The following TMPRSS6 variants were observed in gnomAD, a reference collection of about 807,000 sequenced individuals.
TMPRSS6 encodes the protein transmembrane serine protease 6.
TMPRSS6 carries 67 observed loss-of-function variants against 101.5 expected under a neutral mutation model. That is an observed-to-expected ratio of 0.66 (90% CI 0.54 to 0.81). The LOEUF (loss-of-function observed/expected upper bound fraction) is 0.81, where lower values mean the gene tolerates loss of function less well. Ranked by LOEUF, TMPRSS6 falls within the 30% of genes least tolerant of loss-of-function variation. TMPRSS6 has a pLI of 0.00. For missense variants in TMPRSS6, 1,034 were observed against 1,088.7 expected (o/e 0.95, Z 0.71); for synonymous variants, 453 against 464.9 (o/e 0.97, Z 0.33).
chr22:37,068,372 A>T (rs1926533694), intron 16 of TMPRSS6, among the ~76,000 whole-genome samples: 1 of 152,270 alleles, frequency 6.6e-6, no homozygotes, highest in Admixed American at 6.5e-5. Flanking sequence ...CTGCTTCCAG[A>T]TTGTAAGTCA....
rs368625259 is a variant in TMPRSS6 at position 37,084,419 on chromosome 22, C to T, written c.1087-15G>A. The T allele has an allele frequency of 8.0e-5, 128 of 1,599,880 alleles. No individual in the cohort carries two copies. In the African/African-American group the frequency reaches 8.6e-4, roughly 11 times the overall value. ...AGAGAGGGCACCTGGGAGGGAGGAG[C>T]GGGCCATCAGGTGGCCCATGGGGTG... On this transcript the variant is annotated splice_polypyrimidine_tract_variant and intron_variant, in intron 9 of 17. Coordinates refer to ENST00000676104, the MANE Select transcript of TMPRSS6 (RefSeq NM_001374504.1).
rs920444992 is a variant in TMPRSS6 at position 37,084,292 on chromosome 22, T to C, written c.1196+3A>G. On this transcript the variant is annotated splice_donor_region_variant and intron_variant, in intron 10 of 17. Transcript: ENST00000676104. ...AAGCCAGAGGGAGGAGAGGAAGTGG[T>C]ACCTCCTGTTCTGGATCGTCCACTG... 6.2e-7 allele frequency: 1 copy of C among 1,607,418 alleles called. No individual in the cohort carries two copies. Among genetic ancestry groups the C allele is most frequent in the African/African-American group, 1.3e-5 (1 of 74,732 alleles).
chr22:37,104,035 G>A (rs974381327), intron 1 of TMPRSS6, among the ~76,000 whole-genome samples: 12 of 152,134 alleles, frequency 7.9e-5, no homozygotes, highest in African/African-American at 2.7e-4. Context: ...TTCATTTCGT[G>A]CCCTCATGAG....
intron 10 of TMPRSS6, among the ~76,000 whole-genome samples, chr22:37,076,232 G>T (rs529333030): frequency 3.9e-5 from 6 of 152,308 alleles, no homozygotes; most frequent in African/African-American, 1.2e-4. Flanking sequence ...GGACGAGGGG[G>T]CAGCAGTGCT....
chr22:37,089,086 G>A (rs546967815), intron 7 of TMPRSS6, among the ~76,000 whole-genome samples: 9 of 152,130 alleles, frequency 5.9e-5, no homozygotes, highest in Non-Finnish European at 1.0e-4. Context: ...ACTCAAAATA[G>A]ATACTGCACA....
intron 2 of TMPRSS6, among the ~76,000 whole-genome samples, chr22:37,099,998 G>A (rs1043203033): frequency 1.3e-5 from 2 of 151,584 alleles, no homozygotes; most frequent in South Asian, 2.1e-4. Context: ...ACAGAGTTTC[G>A]CTCTTGTTGC....
At chr22:37,073,796 C>T (rs1038461221) in intron 12 of TMPRSS6, 151 bp from the exon 13 acceptor site, 6 of 694,238 alleles carry the variant, frequency 8.6e-6, no homozygotes, top group African/African-American at 1.7e-5. Flanking sequence ...GCTCTTGTCA[C>T]GAAGGCTGGA....
At chr22:37,089,552 TCCTG>T in intron 7 of TMPRSS6, 22 bp downstream of exon 7, 1 of 938,126 alleles carries the variant, frequency 1.1e-6, no homozygotes, top group Non-Finnish European at 1.6e-6. Context: ...CAGCCCTCCC[TCCTG>T]CCCTCCTTCC....
intron 11 of TMPRSS6, 135 bp downstream of exon 11, chr22:37,075,000 T>TACAC (rs111225958): frequency 2.0e-5 from 28 of 1,412,340 alleles, no homozygotes; most frequent in Non-Finnish European, 2.3e-5. Context: ...TGCAAGCACA[T>TACAC]ACACACACAC....
Position 37,103,239 on chromosome 22 carries a change from C to G in TMPRSS6, c.179G>C (p.Gly60Ala), listed in dbSNP as rs760733591. The change falls in exon 2 of 18, where the codon GGG becomes GCG. Residue 60 changes from glycine (G) to alanine (A), a missense_variant. Physicochemically the swap from Gly to Ala is moderately conservative, Grantham distance 60 (BLOSUM62 0). Transcript: ENST00000676104. This position sits in a 1 kb window ranked among gnomAD's most constrained non-coding sequence, Gnocchi z 4.4. ...ACCTAGGAAATACCAGAGTAGCACCCCCGCCGAAGCCAGCACGAGCAGGGC... is the reference window on the plus strand; with the variant it reads ...ACCTAGGAAATACCAGAGTAGCACCGCCGCCGAAGCCAGCACGAGCAGGGC... ...LLALLVLASAGVLLWYFLGYK... is the reference protein window; with the variant it reads ...LLALLVLASAAVLLWYFLGYK... 11 of 1,613,946 alleles carry G rather than the reference C, an allele frequency of 6.8e-6. No homozygotes were observed. Among genetic ancestry groups the G allele is most frequent in the Non-Finnish European group, 9.3e-6 (11 of 1,179,930 alleles).
At position 37,066,842 on chromosome 22, in the gene TMPRSS6, T is replaced by C. The variant is rs1363484692; in HGVS notation, c.2234A>G (p.Lys745Arg). The C allele has an allele frequency of 6.2e-7, 1 of 1,614,074 alleles. No homozygotes were observed. The highest frequency in any genetic ancestry group is 2.2e-5 in the East Asian group (1 of 44,902). Residue 745 changes from lysine (K) to arginine (R), a missense_variant, in exon 17 of 18, where the codon AAG becomes AGG. Lys to Arg is a conservative substitution (Grantham distance 26). Coordinates refer to ENST00000676104, the MANE Select transcript of TMPRSS6 (RefSeq NM_001374504.1). The stretch of plus-strand genomic sequence containing the variant: ...GGGACTCACCTGACAGGCATCCTTC[T>C]TGCCCTTGCGGTAGCCGGCACACAG... Reference protein sequence around the residue: ...RMLCAGYRKGKKDACQGDSGG... With the variant: ...RMLCAGYRKGRKDACQGDSGG...
intron 11 of TMPRSS6, 28 bp from the exon 12 acceptor site, chr22:37,074,736 C>T: frequency 6.2e-7 from 1 of 1,609,048 alleles, no homozygotes. Context: ...ACCGTGGAGG[C>T]AGGCAGGGCG....
chr22:37,075,079 G>A (rs1261231497), intron 11 of TMPRSS6, 56 bp downstream of exon 11: 20 of 1,613,180 alleles, frequency 1.2e-5, no homozygotes, highest in Admixed American at 1.7e-5. Flanking sequence ...TGGTTCCAGG[G>A]ATGGCCAAGA....
At position 37,086,368 on chromosome 22, in the gene TMPRSS6, C is replaced by T. The variant is rs754194559; in HGVS notation, c.888G>A (p.Gly296=). 2 of 1,611,554 alleles carry T rather than the reference C, an allele frequency of 1.2e-6. No homozygotes were observed. The highest frequency in any genetic ancestry group is 1.7e-5 in the Admixed American group (1 of 59,686). Residue 296 remains glycine, a synonymous_variant, in exon 8 of 18, where the codon GGG becomes GGA. Transcript: ENST00000676104. ...QEPVVEVLAS[G]AIMAVVWKKG... The stretch of plus-strand genomic sequence containing the variant: ...TCTTCCAGACGACCGCCATGATGGC[C>T]CCCGACGCCAGAACCTCCACCACGG...
intron 10 of TMPRSS6, among the ~76,000 whole-genome samples, chr22:37,078,941 AGG>A (rs1927963852): frequency 1.7e-5 from 1 of 59,262 alleles, no homozygotes; most frequent in Non-Finnish European, 3.2e-5. Context: ...AAGAAGGAGA[AGG>A]AGAAGGAGAA....
In TMPRSS6 at chr22:37,086,606, A is replaced by G. The variant is rs112746489; in HGVS notation, c.837-187T>C. On this transcript the variant is annotated intron_variant, in intron 7 of 17. Coordinates refer to ENST00000676104, the MANE Select transcript of TMPRSS6 (RefSeq NM_001374504.1). ...CTGTGTCTCCCCAGCCCCAGAGGAC[A>G]GACTGAAGGCCCTCCAAGGACCAGG... Among the ~76,000 whole-genome samples the G allele has an allele frequency of 3.3e-3, 507 of 152,266 alleles. 5 individuals carry two copies. The highest frequency in any genetic ancestry group is 0.011 in the African/African-American group (472 of 41,554).
At chr22:37,094,497 G>T (rs1034206781) in intron 6 of TMPRSS6, among the ~76,000 whole-genome samples, 1 of 151,748 alleles carries the variant, frequency 6.6e-6, no homozygotes, top group Non-Finnish European at 1.5e-5. Context: ...TAGACAGCTA[G>T]CTAGTTAGAT....
In TMPRSS6 at chr22:37,069,211, C is replaced by T. The variant is rs1024184801; in HGVS notation, c.1975G>A (p.Asp659Asn). 16 of 1,607,330 alleles carry T rather than the reference C, an allele frequency of 1.0e-5. No individual in the cohort carries two copies. Among genetic ancestry groups the T allele is most frequent in the East Asian group, 2.2e-5 (1 of 44,536 alleles). ...TGGTCGAGCTGCAGCAGCGCCACGT[C>T]GTAGTCATGGCTGTCCTCTTCGTGG... ...PYHEEDSHDY[D>N]VALLQLDHPV... Residue 659 changes from aspartate (D) to asparagine (N), a missense_variant, in exon 16 of 18, where the codon GAC becomes AAC. By Grantham distance (23) the Asp-to-Asn change is conservative (BLOSUM62 1). Coordinates refer to ENST00000676104, the MANE Select transcript of TMPRSS6 (RefSeq NM_001374504.1). This position sits in a 1 kb window ranked among gnomAD's most constrained non-coding sequence, Gnocchi z 4.8.
chr22:37,067,940 C>G (rs1182849276), intron 16 of TMPRSS6, among the ~76,000 whole-genome samples: 1 of 78,376 alleles, frequency 1.3e-5, no homozygotes, highest in Non-Finnish European at 2.5e-5. Flanking sequence ...CGGATGTTCT[C>G]ACATCTTCCT....
Sources: gnomAD v4.1 joint callset for allele counts (sites outside exome capture counted in the v4.1 genomes callset) on GRCh38, gnomAD v4.1.1 for gene constraint, Gnocchi (gnomAD v3.1) non-coding constraint, MANE v1.5 for transcripts, NCBI Gene and HGNC (gene_info 2026-07-23, HGNC 2026-07-21) for gene names.